The following TYR variants were observed in gnomAD, a reference collection of about 807,000 sequenced individuals.
TYR encodes tyrosinase.
TYR carries 58 observed loss-of-function variants against 51.5 expected under a neutral mutation model. That is an observed-to-expected ratio of 1.13 (90% CI 0.91 to 1.40). The LOEUF is 1.40. Among genes scored for constraint, TYR ranks in the 40% most tolerant of loss-of-function variants. TYR has a pLI of 0.00. For missense variants in TYR, 732 were observed against 647.4 expected, an observed-to-expected ratio of 1.13 and a Z score of -1.42; for synonymous variants, 263 against 235.2, an observed-to-expected ratio of 1.12 and a Z score of -1.08.
At chr11:89,179,975 A>T (rs933426088) in intron 1 of TYR, among the ~76,000 whole-genome samples, 2 of 152,148 alleles carry the variant, frequency 1.3e-5, no homozygotes, top group South Asian at 4.1e-4. Flanking sequence ...CTTGCACTCA[A>T]TTTCCCACAA....
In TYR at chr11:89,191,358, C is replaced by T. The variant is rs540911439; in HGVS notation, c.976C>T (p.Gln326Ter). 6.2e-7 allele frequency: 1 copy of T among 1,613,740 alleles called. No homozygotes were observed. Among genetic ancestry groups the T allele is most frequent in the South Asian group, 1.1e-5 (1 of 91,086 alleles). ...TGTAGAATTTTGCCTGAGTTTGACC[C>T]AATATGAATCTGGTTCCATGGATAA... is the stretch of plus-strand genomic sequence containing the variant. The part of the protein sequence containing the change: ...ADVEFCLSLT[Q>*]YESGSMDKAA... The change falls in exon 2 of 5, where the codon CAA becomes TAA. Residue 326 changes from glutamine (Q) to a stop codon, truncating the protein, a stop_gained. Transcript: ENST00000263321. LOFTEE classifies it high-confidence loss of function.
intron 4 of TYR, among the ~76,000 whole-genome samples, chr11:89,290,183 C>A (rs1438575435): frequency 6.6e-6 from 1 of 151,912 alleles, no homozygotes; most frequent in Admixed American, 6.6e-5. Flanking sequence ...GAAGGATGAT[C>A]AAAAAATTAC....
At chr11:89,287,536 T>A (rs2135326407) in intron 4 of TYR, among the ~76,000 whole-genome samples, 1 of 151,962 alleles carries the variant, frequency 6.6e-6, no homozygotes, top group East Asian at 1.9e-4. Flanking sequence ...AGAAAGATCT[T>A]AACTGCTTGC....
intron 2 of TYR, among the ~76,000 whole-genome samples, chr11:89,216,243 G>A (rs1943830379): frequency 6.6e-6 from 1 of 152,220 alleles, no homozygotes; most frequent in South Asian, 2.1e-4. Flanking sequence ...TTAAAGGATG[G>A]CACTTAAACA....
intron 3 of TYR, among the ~76,000 whole-genome samples, chr11:89,262,190 C>T (rs1944464522): frequency 6.6e-6 from 1 of 151,938 alleles, no homozygotes; most frequent in Admixed American, 6.6e-5. Flanking sequence ...TCCTGAGTAG[C>T]TAGGATTACA....
At chr11:89,245,032 C>T (rs1311541701) in intron 3 of TYR, among the ~76,000 whole-genome samples, 2 of 152,218 alleles carry the variant, frequency 1.3e-5, no homozygotes, top group Non-Finnish European at 2.9e-5. Flanking sequence ...CAGCACCTAT[C>T]ACTATGCCTA....
intron 2 of TYR, among the ~76,000 whole-genome samples, chr11:89,216,647 C>CAAAAAAAATAAAAAAAAAAAAA (rs1943836267): frequency 1.2e-5 from 1 of 80,806 alleles, no homozygotes; most frequent in Admixed American, 1.6e-4. Flanking sequence ...TTTTCCATCT[C>CAAAAAAAATAAAAAAAAAAAAA]AAAAAAAAAA....
rs532428637 is a variant in TYR at position 89,180,450 on chromosome 11, C to T, written c.819+1678C>T. Reference sequence around the variant, plus strand: ...TGAGATGTGTAATACCAGATGCTATCCACAACTGTATGAGTATTATTTTCC... The same window carrying T: ...TGAGATGTGTAATACCAGATGCTATTCACAACTGTATGAGTATTATTTTCC... On this transcript the variant is annotated intron_variant, in intron 1 of 4. Transcript: ENST00000263321. 2.0e-5 allele frequency among the ~76,000 whole-genome samples: 3 copies of T among 152,150 alleles called. No individual in the cohort carries two copies. The South Asian group carries it at 6.2e-4, about 32-fold the overall frequency.
chr11:89,259,445 C>T (rs553368058), intron 3 of TYR, among the ~76,000 whole-genome samples: 83 of 152,182 alleles, frequency 5.5e-4, no homozygotes, highest in Non-Finnish European at 8.7e-4. Context: ...AAAGCTATAA[C>T]CTCAACCACC....
intron 3 of TYR, among the ~76,000 whole-genome samples, chr11:89,264,665 C>A (rs939361392): frequency 1.3e-5 from 2 of 150,946 alleles, no homozygotes; most frequent in Admixed American, 6.6e-5. Context: ...TGGAATCAAC[C>A]TAAATGTTCA....
intron 3 of TYR, among the ~76,000 whole-genome samples, chr11:89,246,254 A>G (rs764657332): frequency 3.3e-5 from 5 of 152,178 alleles, no homozygotes; most frequent in Non-Finnish European, 7.3e-5. Context: ...TTCCGTGATT[A>G]TGTCCTGGGT....
chr11:89,261,876 T>A (rs901992861), intron 3 of TYR, among the ~76,000 whole-genome samples: 4 of 151,802 alleles, frequency 2.6e-5, no homozygotes, highest in South Asian at 2.1e-4. Flanking sequence ...GGAAAAAAAA[T>A]AGAAACTAAT....
At chr11:89,233,813 C>T (rs1478868476) in intron 3 of TYR, among the ~76,000 whole-genome samples, 1 of 142,674 alleles carries the variant, frequency 7.0e-6, no homozygotes, top group Non-Finnish European at 1.5e-5. Context: ...TGCTATCATG[C>T]AGGCTTTGTT....
chr11:89,286,930 G>A (rs1039498222), intron 4 of TYR, among the ~76,000 whole-genome samples: 2 of 151,874 alleles, frequency 1.3e-5, no homozygotes, highest in African/African-American at 4.8e-5. Context: ...TTATGATTTA[G>A]TGTCTGTTTC....
chr11:89,264,802 T>A (rs1399490748), intron 3 of TYR, among the ~76,000 whole-genome samples: 1 of 151,784 alleles, frequency 6.6e-6, no homozygotes, highest in Non-Finnish European at 1.5e-5. Context: ...GCAGTGTTCT[T>A]TCAAGCCCTA....
At chr11:89,242,285 G>A (rs1290838415) in intron 3 of TYR, among the ~76,000 whole-genome samples, 1 of 152,086 alleles carries the variant, frequency 6.6e-6, no homozygotes, top group East Asian at 1.9e-4. Flanking sequence ...TCAGCTCACT[G>A]CAAACTCCAC....
At chr11:89,213,135 G>A (rs188698262) in intron 2 of TYR, among the ~76,000 whole-genome samples, 15 of 152,256 alleles carry the variant, frequency 9.9e-5, no homozygotes, top group Admixed American at 7.2e-4. Flanking sequence ...AATAGGAAGG[G>A]AGGAAGTCCA....
At position 89,212,118 on chromosome 11, in the gene TYR, C is replaced by A. The variant is rs11517465; in HGVS notation, c.1037-15705C>A. ...AGAGCAGAAATGAAGGAGACAGAGA[C>A]AAGAAAATCCCTTCAAAAAAATCAA... is the stretch of plus-strand genomic sequence containing the variant. On this transcript the variant is annotated intron_variant, in intron 2 of 4. Coordinates refer to ENST00000263321, the MANE Select transcript of TYR (RefSeq NM_000372.5). Among the ~76,000 whole-genome samples, 439 of 152,060 alleles carry A rather than the reference C, an allele frequency of 2.9e-3. 2 individuals carry two copies. In the Middle Eastern group the frequency reaches 0.031, roughly 11 times the overall value.
At chr11:89,221,709 C>A (rs1943913514) in intron 2 of TYR, among the ~76,000 whole-genome samples, 1 of 152,172 alleles carries the variant, frequency 6.6e-6, no homozygotes, top group Admixed American at 6.6e-5. Flanking sequence ...GGTCTTAAGT[C>A]ACTTTTTAAA....
Sources: gnomAD v4.1 joint callset for allele counts (sites outside exome capture counted in the v4.1 genomes callset) on GRCh38, gnomAD v4.1.1 for gene constraint, MANE v1.5 for transcripts, NCBI Gene and HGNC (gene_info 2026-07-23, HGNC 2026-07-21) for gene names.